Variants in ABCF1 observed in about 807,000 individuals in gnomAD.
The protein encoded by ABCF1 is ATP binding cassette subfamily F member 1.
Under a neutral mutation model 126.3 loss-of-function variants are expected in ABCF1, and 73 were observed. The ratio of observed to expected loss-of-function variants is 0.58; its 90% CI spans 0.48 to 0.70. The LOEUF (loss-of-function observed/expected upper bound fraction) is 0.70, where lower values mean the gene tolerates loss of function less well. Ranked by LOEUF, ABCF1 falls within the 30% of genes least tolerant of loss-of-function variation. The pLI, the probability that ABCF1 is intolerant of heterozygous loss-of-function variation, is 0.00. For missense variants in ABCF1, 786 were observed against 1,057.5 expected (o/e 0.74, Z 3.56); for synonymous variants, 345 against 396.4 (o/e 0.87, Z 1.54).
In ABCF1 at chr6:30,590,623, C is replaced by T; in HGVS notation, c.2460C>T (p.Ile820=). The part of the protein sequence containing the change: ...WVVEEQSVSQ[I]DGDFEDYKRE... ...TGGAGGAGCAGAGTGTTAGCCAAAT[C>T]GATGGTGACTTTGAAGACTACAAGC... Residue 820 remains isoleucine, a synonymous_variant, in exon 25 of 25, where the codon ATC becomes ATT. Transcript: ENST00000326195. 5.6e-6 allele frequency: 9 copies of T among 1,613,004 alleles called. No individual in the cohort carries two copies. The highest frequency in any genetic ancestry group is 7.6e-6 in the Non-Finnish European group (9 of 1,180,010).
intron 15 of ABCF1, 98 bp from the exon 16 acceptor site, chr6:30,585,459 AC>A: frequency 6.4e-7 from 1 of 1,570,210 alleles, no homozygotes; most frequent in Non-Finnish European, 8.7e-7. Context: ...CTCTATTCAG[AC>A]CCCCCTTTCC....
In ABCF1 at chr6:30,590,001, G is replaced by A. The variant is rs376090339; in HGVS notation, c.2233+27G>A. On this transcript the variant is annotated intron_variant, in intron 22 of 24. Transcript: ENST00000326195. ...TACCACTTCAGGGGCCAGGGAGGGT[G>A]CCCTTCACCTTATCATTCATGTCTA... is the stretch of plus-strand genomic sequence containing the variant. 6.2e-6 allele frequency: 10 copies of A among 1,609,506 alleles called. No individual in the cohort carries two copies. In the African/African-American group the frequency reaches 1.3e-4, roughly 22 times the overall value.
chr6:30,590,578 C>T lies in ABCF1; in HGVS notation c.2415C>T (p.Thr805=), dbSNP rs1475077427. 1.2e-6 allele frequency: 2 copies of T among 1,612,804 alleles called. No homozygotes were observed. Among genetic ancestry groups the T allele is most frequent in the Non-Finnish European group, 1.7e-6 (2 of 1,179,994 alleles). The change falls in exon 25 of 25, where the codon ACC becomes ACT. Residue 805 remains threonine, a synonymous_variant. Coordinates refer to ENST00000326195, the MANE Select transcript of ABCF1 (RefSeq NM_001025091.2). The part of the protein sequence containing the change: ...VSHDARLITE[T]NCQLWVVEEQ... ...ATGATGCCCGACTCATCACAGAAAC[C>T]AATTGCCAGCTGTGGGTGGTGGAGG...
Position 30,590,013 on chromosome 6 carries a change from A to G in ABCF1, c.2233+39A>G, listed in dbSNP as rs763292212. Reference sequence around the variant, plus strand: ...GGCCAGGGAGGGTGCCCTTCACCTTATCATTCATGTCTACAAACTGTACCT... The same window carrying G: ...GGCCAGGGAGGGTGCCCTTCACCTTGTCATTCATGTCTACAAACTGTACCT... On this transcript the variant is annotated intron_variant, in intron 22 of 24. Coordinates refer to ENST00000326195, the MANE Select transcript of ABCF1 (RefSeq NM_001025091.2). 4.4e-6 allele frequency: 7 copies of G among 1,608,160 alleles called. No homozygotes were observed. In the Admixed American group the frequency reaches 6.7e-5, roughly 15 times the overall value.
intron 1 of ABCF1, among the ~76,000 whole-genome samples, chr6:30,576,703 T>C (rs1044416929): frequency 6.6e-6 from 1 of 152,112 alleles, no homozygotes; most frequent in African/African-American, 2.4e-5. Flanking sequence ...CCACTATGCT[T>C]ATTCCCTCCG....
intron 4 of ABCF1, 21 bp downstream of exon 4, chr6:30,578,223 T>C (rs1295510682): frequency 6.2e-7 from 1 of 1,613,676 alleles, no homozygotes; most frequent in Admixed American, 1.7e-5. Flanking sequence ...TGAGGGGGAA[T>C]GGGTACCTGG....
In ABCF1 at chr6:30,574,153, T is replaced by C. The variant is rs1801383985; in HGVS notation, c.73+2593T>C. On this transcript the variant is annotated intron_variant, in intron 1 of 24. Coordinates refer to ENST00000326195, the MANE Select transcript of ABCF1 (RefSeq NM_001025091.2). The surrounding 1 kb of genome is among the most constrained non-coding windows in gnomAD (Gnocchi z 4.3). ...AGATTTTTTTGGTTTTGGTGGGTTTTTTTTTTTTGTGACGGAGCCTCACTC... is the reference window on the plus strand; with the variant it reads ...AGATTTTTTTGGTTTTGGTGGGTTTCTTTTTTTTGTGACGGAGCCTCACTC... Among the ~76,000 whole-genome samples the C allele has an allele frequency of 1.3e-5, 2 of 151,936 alleles. No individual in the cohort carries two copies. Among genetic ancestry groups the C allele is most frequent in the Admixed American group, 6.5e-5 (1 of 15,278 alleles).
intron 1 of ABCF1, among the ~76,000 whole-genome samples, chr6:30,573,418 G>C (rs1236741264): frequency 6.6e-6 from 1 of 152,228 alleles, no homozygotes; most frequent in Non-Finnish European, 1.5e-5. Context: ...TTTAGTCACT[G>C]TGGAGAGACA....
At chr6:30,582,091 T>G (rs1448373210) in intron 8 of ABCF1, among the ~76,000 whole-genome samples, 1 of 151,358 alleles carries the variant, frequency 6.6e-6, no homozygotes, top group Non-Finnish European at 1.5e-5. Flanking sequence ...GAGTCTTGCT[T>G]TGTCACCCAG....
In ABCF1 at chr6:30,583,530, G is replaced by T; in HGVS notation, c.916-78G>T. 2.1e-6 allele frequency: 3 copies of T among 1,458,758 alleles called. No homozygotes were observed. The highest frequency in any genetic ancestry group is 2.9e-6 in the Non-Finnish European group (3 of 1,044,758). 90.4% of individuals were successfully genotyped at this position (1,458,758 alleles called of 1,614,324 possible). A position where few individuals can be genotyped will look rare whatever the true frequency, so the allele number is the denominator to read the frequency against. ...TCAGAGGCTTCCCTGCAGGGAGAAA[G>T]TGGCCGCTCCTGTCCCAAAGGGAGA... On this transcript the variant is annotated intron_variant, in intron 10 of 24. Coordinates refer to ENST00000326195, the MANE Select transcript of ABCF1 (RefSeq NM_001025091.2). The surrounding 1 kb of genome is among the most constrained non-coding windows in gnomAD (Gnocchi z 4.1).
At position 30,591,343 on chromosome 6, in the gene ABCF1, G is replaced by A. The variant is rs1009835484; in HGVS notation, c.*642G>A. 6.6e-6 allele frequency: 1 copy of A among 152,192 alleles called. No homozygotes were observed. The highest frequency in any genetic ancestry group is 1.5e-5 in the Non-Finnish European group (1 of 68,094). 9.4% of individuals were successfully genotyped at this position (152,192 alleles called of 1,614,324 possible). ...CACTGTTTGGAGATTGATGGGAGTT[G>A]GAACTGTTCTCAGTCTTGATTTGCT... On this transcript the variant is annotated 3_prime_UTR_variant, in exon 25 of 25. Transcript: ENST00000326195.
chr6:30,587,983 A>G (rs1802241894), intron 20 of ABCF1, among the ~76,000 whole-genome samples: 1 of 151,760 alleles, frequency 6.6e-6, no homozygotes, highest in Non-Finnish European at 1.5e-5. Context: ...GCCCACTGCA[A>G]CCTCCACCTC....
chr6:30,583,993 A>G lies in ABCF1; in HGVS notation c.1102+103A>G. The G allele has an allele frequency of 6.9e-7, 1 of 1,459,756 alleles. No homozygotes were observed. Among genetic ancestry groups the G allele is most frequent in the East Asian group, 2.3e-5 (1 of 42,848 alleles). 90.4% of individuals were successfully genotyped at this position (1,459,756 alleles called of 1,614,324 possible). A position where few individuals can be genotyped will look rare whatever the true frequency, so the allele number is the denominator to read the frequency against. On this transcript the variant is annotated intron_variant, in intron 12 of 24. Transcript: ENST00000326195. The surrounding 1 kb of genome is among the most constrained non-coding windows in gnomAD (Gnocchi z 4.1). ...AATTGTGGCTATGGAGTTGGAAGGG[A>G]TGTGGAGGGAGACTGGAGACCGGGA...
intron 6 of ABCF1, 25 bp downstream of exon 6, chr6:30,578,602 A>G (rs1561787542): frequency 6.3e-7 from 1 of 1,596,420 alleles, no homozygotes; most frequent in Non-Finnish European, 8.6e-7. Context: ...TCGATCAGTC[A>G]CTCTCACTCC....
At position 30,583,541 on chromosome 6, in the gene ABCF1, T is replaced by C; in HGVS notation, c.916-67T>C. On this transcript the variant is annotated intron_variant, in intron 10 of 24. Coordinates refer to ENST00000326195, the MANE Select transcript of ABCF1 (RefSeq NM_001025091.2). The surrounding 1 kb of genome is among the most constrained non-coding windows in gnomAD (Gnocchi z 4.1). ...CCTGCAGGGAGAAAGTGGCCGCTCCTGTCCCAAAGGGAGAATTTTCATGTG... is the reference window on the plus strand; with the variant it reads ...CCTGCAGGGAGAAAGTGGCCGCTCCCGTCCCAAAGGGAGAATTTTCATGTG... 8 of 1,543,310 alleles carry C rather than the reference T, an allele frequency of 5.2e-6. No individual in the cohort carries two copies. Among genetic ancestry groups the C allele is most frequent in the Non-Finnish European group, 7.2e-6 (8 of 1,118,036 alleles).
At chr6:30,589,594 C>A in intron 20 of ABCF1, 94 bp from the exon 21 acceptor site, 3 of 1,419,480 alleles carry the variant, frequency 2.1e-6, no homozygotes. Flanking sequence ...CAGAGCGAGA[C>A]TCCGTCTCAA....
Position 30,589,858 on chromosome 6 carries a change from C to T in ABCF1, c.2117C>T (p.Thr706Met), listed in dbSNP as rs746522355. The change falls in exon 22 of 25, where the codon ACG becomes ATG. Residue 706 changes from threonine to methionine, a missense_variant. This residue lies in a region of ABCF1 where 288 missense variants were observed against 423.5 expected (regional missense o/e 0.68). Transcript: ENST00000326195. The stretch of plus-strand genomic sequence containing the variant: ...GCAGAGCAGCTGCGCATGGAGGAGA[C>T]GCCCACTGAGTACCTGCAGCGGGGC... ...QYAEQLRMEE[T>M]PTEYLQRGFN... 13 of 1,614,226 alleles carry T rather than the reference C, an allele frequency of 8.1e-6. No homozygotes were observed. The highest frequency in any genetic ancestry group is 2.2e-5 in the East Asian group (1 of 44,868).
chr6:30,586,730 G>A lies in ABCF1; in HGVS notation c.2031+19G>A. Reference sequence around the variant, plus strand: ...GACACCGGTGAGTCCTGGAGCCAAGGAGGGAGAGCATGAGAAATGTGAAGA... The same window carrying A: ...GACACCGGTGAGTCCTGGAGCCAAGAAGGGAGAGCATGAGAAATGTGAAGA... On this transcript the variant is annotated intron_variant, in intron 20 of 24. Transcript: ENST00000326195. The surrounding 1 kb of genome is among the most constrained non-coding windows in gnomAD (Gnocchi z 4.9). 1.2e-6 allele frequency: 2 copies of A among 1,613,408 alleles called. No homozygotes were observed. The highest frequency in any genetic ancestry group is 1.7e-6 in the Non-Finnish European group (2 of 1,179,664).
intron 8 of ABCF1, among the ~76,000 whole-genome samples, chr6:30,581,071 T>A (rs995779432): frequency 6.6e-6 from 1 of 151,864 alleles, no homozygotes; most frequent in African/African-American, 2.4e-5. Flanking sequence ...TTTTAACAAC[T>A]CTTTGAAAAT....
Sources: allele counts gnomAD v4.1 joint callset (sites outside exome capture counted in the v4.1 genomes callset), GRCh38; gene constraint gnomAD v4.1.1; regional missense constraint gnomAD v4.1.1; non-coding constraint Gnocchi (gnomAD v3.1); transcripts MANE v1.5; gene names NCBI Gene and HGNC (gene_info 2026-07-23, HGNC 2026-07-21).